Variants in GRID1 observed in about 807,000 individuals in gnomAD.
GRID1 encodes glutamate receptor ionotropic, delta-1.
GRID1 carries 28 observed loss-of-function variants against 98.0 expected under a neutral mutation model. That is an observed-to-expected ratio of 0.29 (90% CI 0.21 to 0.39). The LOEUF (loss-of-function observed/expected upper bound fraction) is 0.39, where lower values mean the gene tolerates loss of function less well. GRID1 is among the 10% of genes least tolerant of loss of function. The pLI is 1.00. For synonymous variants in GRID1, 553 were observed against 538.5 expected, an observed-to-expected ratio of 1.03 and a Z score of -0.37; for missense variants, 1,111 against 1,340.5, an observed-to-expected ratio of 0.83 and a Z score of 2.67.
chr10:85,711,986 A>T (rs1272322836), intron 12 of GRID1, among the ~76,000 whole-genome samples: 1 of 151,770 alleles, frequency 6.6e-6, no homozygotes, highest in Non-Finnish European at 1.5e-5. Context: ...TAAGAATATA[A>T]TAATAATAAT....
intron 4 of GRID1, among the ~76,000 whole-genome samples, chr10:86,101,633 C>CT (rs10596537): frequency 0.059 from 8,040 of 136,606 alleles, 554 homozygotes; most frequent in African/African-American, 0.15. Context: ...TTCATTATTC[C>CT]TTTTTTTTTT....
intron 4 of GRID1, among the ~76,000 whole-genome samples, chr10:85,925,654 C>T (rs1841764317): frequency 1.3e-5 from 2 of 152,224 alleles, no homozygotes; most frequent in Non-Finnish European, 2.9e-5. Context: ...CATCCAAAGA[C>T]CAACTCCAGG....
intron 8 of GRID1, among the ~76,000 whole-genome samples, chr10:85,763,912 G>T (rs1418524776): frequency 6.6e-6 from 1 of 152,070 alleles, no homozygotes; most frequent in African/African-American, 2.4e-5. Context: ...TCTGTGTGGG[G>T]AGGCAGATGA....
chr10:85,654,260 T>C (rs1167992252), intron 12 of GRID1, among the ~76,000 whole-genome samples: 1 of 152,182 alleles, frequency 6.6e-6, no homozygotes, highest in Non-Finnish European at 1.5e-5. Flanking sequence ...GCTATTGAAA[T>C]TAAAAGACAC....
At chr10:85,791,380 T>C (rs771039866) in intron 8 of GRID1, among the ~76,000 whole-genome samples, 1 of 152,206 alleles carries the variant, frequency 6.6e-6, no homozygotes, top group Non-Finnish European at 1.5e-5. Context: ...CCCTTCCATT[T>C]TGAATCCTGA....
chr10:86,143,228 G>T (rs953993794), intron 3 of GRID1, among the ~76,000 whole-genome samples: 4 of 152,192 alleles, frequency 2.6e-5, no homozygotes, highest in African/African-American at 9.7e-5. Flanking sequence ...CTGTCCAGCT[G>T]CACTTGGGGT....
chr10:85,938,241 T>C (rs74587263), intron 4 of GRID1, among the ~76,000 whole-genome samples: 1 of 152,162 alleles, frequency 6.6e-6, no homozygotes, highest in Admixed American at 6.5e-5. Flanking sequence ...TACTTGGACA[T>C]ATTTTCTATA....
chr10:85,895,019 AT>A (rs1564620770), intron 5 of GRID1, among the ~76,000 whole-genome samples: 1,544 of 97,984 alleles, frequency 0.016, 10 homozygotes, highest in East Asian at 0.039. Context: ...AAAAAAAAAT[AT>A]ATATATATAT....
intron 6 of GRID1, among the ~76,000 whole-genome samples, chr10:85,856,689 C>A (rs758937036): frequency 2.0e-5 from 3 of 152,198 alleles, no homozygotes; most frequent in Admixed American, 6.5e-5. Context: ...AACTGCTCAA[C>A]CCTACTGTTA....
intron 4 of GRID1, among the ~76,000 whole-genome samples, chr10:86,047,021 T>C (rs1271926815): frequency 6.6e-6 from 1 of 152,210 alleles, no homozygotes; most frequent in Non-Finnish European, 1.5e-5. Flanking sequence ...GTTGCAGGAC[T>C]TCTCCATGGC....
chr10:86,238,668 CAAAAAAAAA>C (rs931719950), intron 2 of GRID1, among the ~76,000 whole-genome samples: 2 of 47,084 alleles, frequency 4.2e-5, no homozygotes, highest in African/African-American at 1.2e-4. Context: ...GATTCCATCT[CAAAAAAAAA>C]AAAAAAAAAA....
At chr10:85,822,137 C>A (rs1842778586) in intron 8 of GRID1, among the ~76,000 whole-genome samples, 1 of 152,102 alleles carries the variant, frequency 6.6e-6, no homozygotes, top group South Asian at 2.1e-4. Context: ...GCAAGGACTT[C>A]ATGTCTAAAA....
intron 4 of GRID1, among the ~76,000 whole-genome samples, chr10:86,017,421 C>T (rs150277569): frequency 0.031 from 4,652 of 152,280 alleles, 221 homozygotes; most frequent in African/African-American, 0.1. Context: ...TGACCCCACC[C>T]CAGTAAGTGC....
chr10:85,774,954 G>C (rs12221010), intron 8 of GRID1, among the ~76,000 whole-genome samples: 2,787 of 151,766 alleles, frequency 0.018, 48 homozygotes, highest in East Asian at 0.059. Flanking sequence ...AATACCATTT[G>C]ACCCAGCCAT....
intron 8 of GRID1, among the ~76,000 whole-genome samples, chr10:85,771,585 G>A (rs1842268353): frequency 1.3e-5 from 2 of 152,104 alleles, no homozygotes; most frequent in South Asian, 4.2e-4. Context: ...CCCATCTCAT[G>A]TGCAGAGACA....
At chr10:85,788,494 TGGCCCACAGTGG>T (rs1842450353) in intron 8 of GRID1, among the ~76,000 whole-genome samples, 2 of 152,238 alleles carry the variant, frequency 1.3e-5, no homozygotes, top group Admixed American at 1.3e-4. Flanking sequence ...CCAATGTGGC[TGGCCCACAGTGG>T]GGCCAGTGAA....
At chr10:86,036,445 G>A (rs1419543138) in intron 4 of GRID1, among the ~76,000 whole-genome samples, 1 of 152,176 alleles carries the variant, frequency 6.6e-6, no homozygotes, top group African/African-American at 2.4e-5. Flanking sequence ...TGCCATCTGA[G>A]AAGTTTTGGA....
intron 8 of GRID1, among the ~76,000 whole-genome samples, chr10:85,801,858 G>T (rs1471416974): frequency 6.6e-6 from 1 of 151,776 alleles, no homozygotes; most frequent in East Asian, 1.9e-4. Context: ...ATTATTTTCA[G>T]ATTACGTGTT....
intron 4 of GRID1, among the ~76,000 whole-genome samples, chr10:86,059,758 T>C (rs1843623915): frequency 2.0e-5 from 3 of 152,330 alleles, no homozygotes; most frequent in South Asian, 4.1e-4. Flanking sequence ...TAATTATTCC[T>C]GGGTTTGACC....
Sources: gnomAD v4.1 joint callset for allele counts (sites outside exome capture counted in the v4.1 genomes callset) on GRCh38, gnomAD v4.1.1 for gene constraint, MANE v1.5 for transcripts, NCBI Gene and HGNC (gene_info 2026-07-23, HGNC 2026-07-21) for gene names.